The following MAP2K5 variants were observed in gnomAD, a reference collection of about 807,000 sequenced individuals.
The protein encoded by MAP2K5 is mitogen-activated protein kinase kinase 5.
In MAP2K5, 49 loss-of-function variants were observed where a neutral mutation model predicts 83.1. The observed-to-expected ratio is 0.59, with a 90% CI of 0.47 to 0.75. The LOEUF is 0.75. Among genes scored for constraint, MAP2K5 ranks in the 30% least tolerant of loss-of-function variants. The probability of loss-of-function intolerance (pLI) is 0.00; values close to 1 mark genes in which losing one functional copy is unlikely to be tolerated. For missense variants in MAP2K5, 457 were observed against 557.5 expected, an observed-to-expected ratio of 0.82 and a Z score of 1.82; for synonymous variants, 202 against 191.8, an observed-to-expected ratio of 1.05 and a Z score of -0.44.
chr15:67,601,835 C>T (rs16951060), intron 8 of MAP2K5, among the ~76,000 whole-genome samples: 22,146 of 152,174 alleles, frequency 0.15, 2,071 homozygotes, highest in African/African-American at 0.25. Flanking sequence ...GTAATCTGAT[C>T]CAGTCACCCA....
intron 21 of MAP2K5, among the ~76,000 whole-genome samples, chr15:67,776,908 G>A (rs752210694): frequency 1.6e-4 from 24 of 152,184 alleles, no homozygotes; most frequent in Non-Finnish European, 3.4e-4. Flanking sequence ...GCAAAACCGA[G>A]GGGGCAGCCC....
At position 67,634,367 on chromosome 15, in the gene MAP2K5, C is replaced by CAAAAAAAAAAAAAAAAAAAAAAAAAAA. The variant is rs71142390; in HGVS notation, c.585+3456_585+3482dup. ...TGGGTGACAGAGTAAGACCTCATCT[C>CAAAAAAAAAAAAAAAAAAAAAAAAAAA]AAAAAAAAAAAAAAAAAAAAAAAAA... On this transcript the variant is annotated intron_variant, in intron 9 of 21. Coordinates refer to ENST00000178640, the MANE Select transcript of MAP2K5 (RefSeq NM_145160.3). Among the ~76,000 whole-genome samples the CAAAAAAAAAAAAAAAAAAAAAAAAAAA allele has an allele frequency of 1.0e-4, 5 of 48,576 alleles. 1 individual carries two copies. The highest frequency in any genetic ancestry group is 6.6e-4 in the East Asian group (1 of 1,504). The allele number at this position is 48,576 out of a possible 152,430, so 31.9% of individuals were successfully genotyped here.
intron 4 of MAP2K5, among the ~76,000 whole-genome samples, chr15:67,582,152 C>G (rs76449377): frequency 0.12 from 18,101 of 149,952 alleles, 1,192 homozygotes; most frequent in East Asian, 0.2. Context: ...ACCTCTGACT[C>G]CCTGGTTCAA....
chr15:67,553,919 CAAAAAAAAAAA>C (rs71142378), intron 2 of MAP2K5, among the ~76,000 whole-genome samples: 16 of 80,102 alleles, frequency 2.0e-4, no homozygotes, highest in African/African-American at 7.1e-4. Flanking sequence ...GACTCCATCT[CAAAAAAAAAAA>C]AAAAAAAAAA....
Position 67,587,408 on chromosome 15 carries a change from A to G in MAP2K5, c.431+495A>G, listed in dbSNP as rs1182722445. ...AGAGGGCTTTTAGTAGGAGAGGGAC[A>G]TGGCCAGCCCTGTGTTTTTAAAAGA... On this transcript the variant is annotated intron_variant, in intron 6 of 21. Coordinates refer to ENST00000178640, the MANE Select transcript of MAP2K5 (RefSeq NM_145160.3). This position sits in a 1 kb window ranked among gnomAD's most constrained non-coding sequence, Gnocchi z 4.8. 6.6e-6 allele frequency among the ~76,000 whole-genome samples: 1 copy of G among 152,122 alleles called. No homozygotes were observed. Among genetic ancestry groups the G allele is most frequent in the Admixed American group, 6.5e-5 (1 of 15,280 alleles).
intron 21 of MAP2K5, among the ~76,000 whole-genome samples, chr15:67,789,089 C>T (rs886113049): frequency 2.6e-5 from 4 of 151,944 alleles, no homozygotes; most frequent in African/African-American, 9.7e-5. Flanking sequence ...TTAATAGTAG[C>T]TTGGGTATCC....
chr15:67,611,117 T>A (rs2141045021), intron 8 of MAP2K5, among the ~76,000 whole-genome samples: 1 of 152,338 alleles, frequency 6.6e-6, no homozygotes, highest in East Asian at 1.9e-4. Flanking sequence ...AGCAGCAAAA[T>A]GTATCAATAT....
rs1197359209 is a variant in MAP2K5, at chr15:67,543,498, C to T, written c.135+28C>T. ...GAGTGGTAATCTCAGTGTCCGGATG[C>T]CAGCAAGGGGGACTCAGGGACTTGA... On this transcript the variant is annotated intron_variant, in intron 1 of 21. Transcript: ENST00000178640. This position sits in a 1 kb window ranked among gnomAD's most constrained non-coding sequence, Gnocchi z 4.3. 25 of 1,613,160 alleles carry T rather than the reference C, an allele frequency of 1.5e-5. 1 individual carries two copies. In the Admixed American group the frequency reaches 4.2e-4, roughly 27 times the overall value.
At chr15:67,730,416 T>C (rs747860106) in intron 17 of MAP2K5, among the ~76,000 whole-genome samples, 3 of 152,224 alleles carry the variant, frequency 2.0e-5, no homozygotes, top group Admixed American at 6.5e-5. Context: ...CTGTGACTGG[T>C]TTGGTTTCTT....
chr15:67,592,892 G>T, intron 6 of MAP2K5, 34 bp from the exon 7 acceptor site: 1 of 1,520,056 alleles, frequency 6.6e-7, no homozygotes, highest in South Asian at 1.1e-5. Context: ...AGGTGTTGAT[G>T]ATCTTGCCAC....
In MAP2K5 at chr15:67,801,181, G is replaced by A. The variant is rs924593046; in HGVS notation, c.1243-5465G>A. On this transcript the variant is annotated intron_variant, in intron 21 of 21. Transcript: ENST00000178640. The surrounding 1 kb of genome is among the most constrained non-coding windows in gnomAD (Gnocchi z 4.8). ...GCCAAGCGGGCTGGAATCCTAAAGG[G>A]AGATGCATAGAGCCTTCAAGCAAGG... Among the ~76,000 whole-genome samples the A allele has an allele frequency of 3.9e-5, 6 of 152,146 alleles. No homozygotes were observed. Among genetic ancestry groups the A allele is most frequent in the African/African-American group, 1.4e-4 (6 of 41,426 alleles).
At position 67,572,704 on chromosome 15, in the gene MAP2K5, T is replaced by C. The variant is rs544598205; in HGVS notation, c.253-8050T>C. On this transcript the variant is annotated intron_variant, in intron 3 of 21. Coordinates refer to ENST00000178640, the MANE Select transcript of MAP2K5 (RefSeq NM_145160.3). This position sits in a 1 kb window ranked among gnomAD's most constrained non-coding sequence, Gnocchi z 4.2. ...TTTGCAAGAATTGATATTATTATTA[T>C]TATTTTTTTTTTTGAGATGGAGTCT... 3.9e-4 allele frequency among the ~76,000 whole-genome samples: 48 copies of C among 124,670 alleles called. 1 individual carries two copies. The East Asian group carries it at 0.012, about 31-fold the overall frequency. The allele number at this position is 124,670 out of a possible 152,430, so 81.8% of individuals were successfully genotyped here.
intron 16 of MAP2K5, among the ~76,000 whole-genome samples, chr15:67,704,153 C>T (rs557244190): frequency 6.6e-6 from 1 of 152,258 alleles, no homozygotes; most frequent in East Asian, 1.9e-4. Flanking sequence ...ATTAGAAGGA[C>T]ATATGGCTCA....
chr15:67,622,229 A>T lies in MAP2K5; in HGVS notation c.546-8659A>T, dbSNP rs181010214. Among the ~76,000 whole-genome samples, 22 of 152,240 alleles carry T rather than the reference A, an allele frequency of 1.4e-4. No homozygotes were observed. The East Asian group carries it at 2.5e-3, about 17-fold the overall frequency. The stretch of plus-strand genomic sequence containing the variant: ...TTTTATGTAGGAAAGTCAAAGAAAC[A>T]ATATAGGACCTGAAGGAAGCAATGG... On this transcript the variant is annotated intron_variant, in intron 8 of 21. Coordinates refer to ENST00000178640, the MANE Select transcript of MAP2K5 (RefSeq NM_145160.3).
At chr15:67,789,868 TGAA>T (rs1266385363) in intron 21 of MAP2K5, among the ~76,000 whole-genome samples, 1 of 152,218 alleles carries the variant, frequency 6.6e-6, no homozygotes, top group East Asian at 1.9e-4. Flanking sequence ...TTCATCTTGT[TGAA>T]GATTGATTTT....
intron 21 of MAP2K5, among the ~76,000 whole-genome samples, chr15:67,796,051 A>G (rs1474766634): frequency 2.6e-5 from 4 of 151,976 alleles, no homozygotes; most frequent in Admixed American, 6.6e-5. Context: ...AGTATTTGCT[A>G]TGTTTGATTA....
chr15:67,739,298 A>G (rs2089416045), intron 17 of MAP2K5, among the ~76,000 whole-genome samples: 1 of 149,082 alleles, frequency 6.7e-6, no homozygotes, highest in African/African-American at 2.5e-5. Context: ...AAAAAAAAAG[A>G]TAAAGTAAGT....
In MAP2K5 at chr15:67,735,873, C is replaced by T. The variant is rs752975505; in HGVS notation, c.1074+7928C>T. ...ACGTGGCAGCTTTGCTATTATCTCT[C>T]CCTCCTAGGCTCTGTGGTCCAGGAG... On this transcript the variant is annotated intron_variant, in intron 17 of 21. Transcript: ENST00000178640. 2.0e-5 allele frequency among the ~76,000 whole-genome samples: 3 copies of T among 152,144 alleles called. No individual in the cohort carries two copies. The East Asian group carries it at 5.8e-4, about 29-fold the overall frequency.
chr15:67,675,104 C>T (rs775450580), intron 13 of MAP2K5, among the ~76,000 whole-genome samples: 1 of 152,134 alleles, frequency 6.6e-6, no homozygotes, highest in Non-Finnish European at 1.5e-5. Flanking sequence ...GGGCATTTAT[C>T]CCAGAGAAAT....
Sources: gnomAD v4.1 joint callset for allele counts (sites outside exome capture counted in the v4.1 genomes callset) on GRCh38, gnomAD v4.1.1 for gene constraint, Gnocchi (gnomAD v3.1) non-coding constraint, MANE v1.5 for transcripts, NCBI Gene and HGNC (gene_info 2026-07-23, HGNC 2026-07-21) for gene names.